ZNF83: variants seen among roughly 807,000 people sequenced by gnomAD.
ZNF83 encodes the protein zinc finger protein 816B.
For missense variants in ZNF83, 552 were observed against 629.9 expected, an observed-to-expected ratio of 0.88 and a Z score of 1.32; for synonymous variants, 209 against 213.0, an observed-to-expected ratio of 0.98 and a Z score of 0.17.
chr19:52,659,060 T>G (rs561223432), intron 2 of ZNF83, among the ~76,000 whole-genome samples: 1 of 152,110 alleles, frequency 6.6e-6, no homozygotes, highest in Non-Finnish European at 1.5e-5. Context: ...TACGTTTCAT[T>G]CATCCGTCTG....
intron 3 of ZNF83, among the ~76,000 whole-genome samples, chr19:52,645,036 G>C (rs1196681374): frequency 6.6e-6 from 1 of 151,086 alleles, no homozygotes; most frequent in Non-Finnish European, 1.5e-5. Context: ...AAAAAAGGGG[G>C]TGCTTTTGGC....
chr19:52,613,247 G>A, exon 3 of ZNF83: 1 of 1,614,018 alleles, frequency 6.2e-7, no homozygotes, highest in South Asian at 1.1e-5. Flanking sequence ...GATGAGTTTA[G>A]ACCGAAGACC....
intron 1 of ZNF83, among the ~76,000 whole-genome samples, chr19:52,677,439 T>C (rs1379774898): frequency 6.6e-6 from 1 of 151,590 alleles, no homozygotes. Context: ...TGAGCTGAGA[T>C]GTGGCCACTT....
intron 2 of ZNF83, among the ~76,000 whole-genome samples, chr19:52,615,536 C>G (rs1166396984): frequency 1.3e-5 from 2 of 152,022 alleles, no homozygotes; most frequent in African/African-American, 4.8e-5. Context: ...GTCAGGAGTT[C>G]CAGACCAGCC....
chr19:52,621,534 G>C (rs551137690), intron 2 of ZNF83, among the ~76,000 whole-genome samples: 169 of 152,086 alleles, frequency 1.1e-3, no homozygotes, highest in Non-Finnish European at 1.9e-3. Context: ...CACCTGCCTT[G>C]ATCCTCCACC....
upstream of ZNF83, among the ~76,000 whole-genome samples, chr19:52,638,724 T>C (rs192298436): frequency 3.8e-3 from 577 of 152,310 alleles, 8 homozygotes; most frequent in African/African-American, 0.013. Context: ...CTCCATTCAC[T>C]TGGGAGAGAG....
intron 3 of ZNF83, among the ~76,000 whole-genome samples, chr19:52,643,733 G>A (rs537456756): frequency 3.3e-5 from 5 of 151,316 alleles, no homozygotes; most frequent in Non-Finnish European, 7.4e-5. Flanking sequence ...CCTGAGTAAC[G>A]TGAGAGACTG....
chr19:52,628,478 G>A (rs2060825591), intron 2 of ZNF83, among the ~76,000 whole-genome samples: 1 of 152,028 alleles, frequency 6.6e-6, no homozygotes, highest in African/African-American at 2.4e-5. Flanking sequence ...AGAGACAAAG[G>A]AGACACGTTT....
intron 2 of ZNF83, among the ~76,000 whole-genome samples, chr19:52,659,808 T>G (rs571196489): frequency 4.6e-5 from 7 of 152,198 alleles, no homozygotes; most frequent in South Asian, 4.2e-4. Context: ...ATAATAAAAC[T>G]GTCAAAATTC....
chr19:52,632,375 C>A (rs2061000785), intron 2 of ZNF83, among the ~76,000 whole-genome samples: 1 of 152,196 alleles, frequency 6.6e-6, no homozygotes, highest in Admixed American at 6.5e-5. Context: ...TCAGGCCTGT[C>A]CTCAGAATGC....
chr19:52,613,218 T>C, exon 3 of ZNF83: 1 of 1,614,044 alleles, frequency 6.2e-7, no homozygotes, highest in Non-Finnish European at 8.5e-7. Flanking sequence ...CAGTGTGAAT[T>C]TTCCGATGAT....
chr19:52,638,239 G>A (rs2061219187), intron 1 of ZNF83, 73 bp downstream of exon 1: 1 of 152,380 alleles, frequency 6.6e-6, no homozygotes, highest in Admixed American at 6.5e-5. Flanking sequence ...CAGGTCTGTG[G>A]GGACCCCACG....
At chr19:52,614,517 C>T (rs928964071) in exon 3 of ZNF83, 1 of 1,602,524 alleles carries the variant, frequency 6.2e-7, no homozygotes, top group Non-Finnish European at 8.5e-7. Context: ...TTAATCCAAG[C>T]TGATTTTTAA....
chr19:52,626,686 G>A (rs180714861), intron 2 of ZNF83, among the ~76,000 whole-genome samples: 133 of 150,814 alleles, frequency 8.8e-4, no homozygotes, highest in Non-Finnish European at 1.3e-3. Context: ...ACCATCCCCC[G>A]CACCAAGATC....
At chr19:52,664,219 G>C (rs902521779) in intron 1 of ZNF83, among the ~76,000 whole-genome samples, 2 of 151,292 alleles carry the variant, frequency 1.3e-5, no homozygotes, top group African/African-American at 2.4e-5. Flanking sequence ...GAACAAGCTG[G>C]GTGTGGTGGC....
At chr19:52,633,467 C>CGA (rs2061041868) in intron 2 of ZNF83, among the ~76,000 whole-genome samples, 1 of 129,692 alleles carries the variant, frequency 7.7e-6, no homozygotes, top group African/African-American at 3.2e-5. Context: ...TACACGTGTA[C>CGA]GAGACTTGCT....
rs151193574 is a variant in ZNF83 at position 52,682,731 on chromosome 19, G to A, written c.-283+7712C>T. Among the ~76,000 whole-genome samples, 423 of 152,078 alleles carry A rather than the reference G, an allele frequency of 2.8e-3. 4 individuals are homozygous for A. The highest frequency in any genetic ancestry group is 7.0e-3 in the East Asian group (36 of 5,174). On this transcript the variant is annotated intron_variant, in intron 1 of 5. Transcript: ENST00000594682. The stretch of plus-strand genomic sequence containing the variant: ...AGAAAAAGAAAAGATGTAGCTATGT[G>A]TGGTGACACATGCCTATCCTTCTAG...
intron 1 of ZNF83, among the ~76,000 whole-genome samples, chr19:52,685,834 G>T (rs570720924): frequency 6.8e-6 from 1 of 146,952 alleles, no homozygotes; most frequent in African/African-American, 2.4e-5. Flanking sequence ...GGAGGCAAAT[G>T]TTTCTGCAAG....
At chr19:52,639,443 G>T (rs2061263715), upstream of ZNF83, among the ~76,000 whole-genome samples, 1 of 47,526 alleles carries the variant, frequency 2.1e-5, no homozygotes. Context: ...TTTTGAGGCA[G>T]AGTTTTCTTT....
Sources: gnomAD v4.1 joint callset for allele counts (sites outside exome capture counted in the v4.1 genomes callset) on GRCh38, gnomAD v4.1.1 for gene constraint, MANE v1.5 for transcripts, NCBI Gene and HGNC (gene_info 2026-07-23, HGNC 2026-07-21) for gene names.